The following SLC71A1 variants were observed in gnomAD, a reference collection of about 807,000 sequenced individuals.
SLC71A1 encodes hippocampus abundant gene transcript 1.
At chr1:100,052,597 A>G in the SLC71A1 span, among the ~76,000 whole-genome samples, 2 of 150,332 alleles carry the variant, frequency 1.3e-5, no homozygotes, top group African/African-American at 2.4e-5. Context: ...ATGCCCAGCT[A>G]ATTTTTGTAC....
the SLC71A1 span, among the ~76,000 whole-genome samples, chr1:100,054,084 C>G: frequency 1.3e-4 from 20 of 149,956 alleles, no homozygotes; most frequent in East Asian, 3.9e-3. Flanking sequence ...ATCTGGCATC[C>G]AGGTTGGAGT....
At chr1:100,052,182 GAA>G in the SLC71A1 span, among the ~76,000 whole-genome samples, 1 of 151,944 alleles carries the variant, frequency 6.6e-6, no homozygotes, top group Non-Finnish European at 1.5e-5. Flanking sequence ...AGCAAGCTAT[GAA>G]AAAAAGCATT....
At chr1:100,038,391 G>A in the SLC71A1 span, 4 of 1,193,482 alleles carry the variant, frequency 3.4e-6, no homozygotes, top group South Asian at 5.2e-5. Context: ...CCACACTGCC[G>A]TCTCTAGGCG....
At chr1:100,061,315 C>T in the SLC71A1 span, among the ~76,000 whole-genome samples, 3 of 152,080 alleles carry the variant, frequency 2.0e-5, no homozygotes, top group Non-Finnish European at 4.4e-5. Flanking sequence ...CTGAATCCTG[C>T]CATATAGGTT....
the SLC71A1 span, chr1:100,080,397 C>T: frequency 1.1e-6 from 1 of 947,376 alleles, no homozygotes. Flanking sequence ...TGATAAGAAG[C>T]TTGATTTTAG....
chr1:100,069,541 A>G, the SLC71A1 span: 1 of 850,402 alleles, frequency 1.2e-6, no homozygotes, highest in Non-Finnish European at 2.0e-6. Context: ...TTAATATACA[A>G]GTAGCTGCAG....
At chr1:100,068,195 G>A in the SLC71A1 span, 12 of 1,612,490 alleles carry the variant, frequency 7.4e-6, no homozygotes, top group East Asian at 6.7e-5. Flanking sequence ...ACCCTTTTGC[G>A]GTAAGTTTAT....
At chr1:100,059,144 G>GTTTTTTTTTTTTTTTTTT in the SLC71A1 span, among the ~76,000 whole-genome samples, 30 of 75,428 alleles carry the variant, frequency 4.0e-4, 5 homozygotes, top group African/African-American at 1.8e-3. Context: ...TCTTTTTCGT[G>GTTTTTTTTTTTTTTTTTT]TTTTTTTTTT....
the SLC71A1 span, among the ~76,000 whole-genome samples, chr1:100,064,721 CTT>C: frequency 4.7e-3 from 710 of 149,932 alleles, 7 homozygotes; most frequent in African/African-American, 0.017. Flanking sequence ...ATTTTTGTCT[CTT>C]TTCCTTTTTT....
the SLC71A1 span, among the ~76,000 whole-genome samples, chr1:100,060,937 C>T: frequency 2.6e-5 from 4 of 152,012 alleles, no homozygotes; most frequent in Non-Finnish European, 4.4e-5. Context: ...GTGTTATCTA[C>T]AAAGGCCCAA....
the SLC71A1 span, chr1:100,082,062 G>A: frequency 1.3e-4 from 205 of 1,613,798 alleles, no homozygotes; most frequent in Admixed American, 6.8e-4. Context: ...TGCTGGCTCT[G>A]CTTGTTGCCT....
the SLC71A1 span, among the ~76,000 whole-genome samples, chr1:100,071,773 G>C: frequency 6.6e-6 from 1 of 152,198 alleles, no homozygotes; most frequent in Non-Finnish European, 1.5e-5. Flanking sequence ...CCAGTGATGA[G>C]TGGAGGGTGC....
the SLC71A1 span, among the ~76,000 whole-genome samples, chr1:100,054,960 A>G: frequency 2.0e-5 from 3 of 152,200 alleles, no homozygotes; most frequent in Non-Finnish European, 4.4e-5. Context: ...CCAGATAAAG[A>G]AAGGGAAGAA....
At chr1:100,077,893 T>G in the SLC71A1 span, among the ~76,000 whole-genome samples, 7,432 of 152,262 alleles carry the variant, frequency 0.049, 208 homozygotes, top group African/African-American at 0.068. Flanking sequence ...CTGTTTGGAC[T>G]TGGATATAAG....
At chr1:100,038,156 T>C in the SLC71A1 span, 4 of 1,282,310 alleles carry the variant, frequency 3.1e-6, no homozygotes, top group Non-Finnish European at 3.3e-6. Flanking sequence ...CCGGCAGTAG[T>C]GGTGGGACGG....
At chr1:100,080,963 TTAAC>T in the SLC71A1 span, among the ~76,000 whole-genome samples, 1 of 152,232 alleles carries the variant, frequency 6.6e-6, no homozygotes, top group Non-Finnish European at 1.5e-5. Flanking sequence ...GTTGTGTATG[TTAAC>T]TAACTTTTCA....
the SLC71A1 span, among the ~76,000 whole-genome samples, chr1:100,059,144 G>GTTTTTTTTTTTTTTTTTTTTTTTT: frequency 1.2e-4 from 9 of 75,428 alleles, 2 homozygotes; most frequent in African/African-American, 4.1e-4. Flanking sequence ...TCTTTTTCGT[G>GTTTTTTTTTTTTTTTTTTTTTTTT]TTTTTTTTTT....
chr1:100,056,470 G>T, the SLC71A1 span, among the ~76,000 whole-genome samples: 1 of 152,144 alleles, frequency 6.6e-6, no homozygotes, highest in African/African-American at 2.4e-5. Flanking sequence ...AATTAGCCAG[G>T]CATGGTGGTG....
At chr1:100,080,646 A>G in the SLC71A1 span, 1 of 1,613,726 alleles carries the variant, frequency 6.2e-7, no homozygotes, top group South Asian at 1.1e-5. Flanking sequence ...AGCCCTCAGC[A>G]CCACTTTGAA....
Sources: gnomAD v4.1 joint callset for allele counts (sites outside exome capture counted in the v4.1 genomes callset) on GRCh38, gnomAD v4.1.1 for gene constraint, MANE v1.5 for transcripts, NCBI Gene and HGNC (gene_info 2026-07-23, HGNC 2026-07-21) for gene names.